The following ACER3 variants were observed in gnomAD, a reference collection of about 807,000 sequenced individuals.
The protein encoded by ACER3 is alkCDase 3.
In ACER3, 16 loss-of-function variants were observed where a neutral mutation model predicts 48.9. The ratio of observed to expected loss-of-function variants is 0.33; its 90% CI spans 0.22 to 0.50. ACER3 has a LOEUF of 0.50. Among genes scored for constraint, ACER3 ranks in the 20% least tolerant of loss-of-function variants. ACER3 has a pLI of 0.98. For missense variants in ACER3, 227 were observed against 326.0 expected (o/e 0.70, Z 2.34); for synonymous variants, 109 against 107.8 (o/e 1.01, Z -0.07).
intron 1 of ACER3, among the ~76,000 whole-genome samples, chr11:76,898,882 C>T (rs1433585794): frequency 9.4e-6 from 1 of 106,290 alleles, no homozygotes; most frequent in Non-Finnish European, 1.7e-5. Context: ...CCAGCCTGGG[C>T]GACAGAGCGA....
intron 3 of ACER3, among the ~76,000 whole-genome samples, chr11:76,967,143 A>G (rs1948160048): frequency 6.6e-6 from 1 of 152,238 alleles, no homozygotes; most frequent in African/African-American, 2.4e-5. Context: ...CCGATCCCAC[A>G]GAAATACAAA....
intron 2 of ACER3, among the ~76,000 whole-genome samples, chr11:76,928,271 G>A (rs1448594724): frequency 6.6e-6 from 1 of 152,134 alleles, no homozygotes; most frequent in African/African-American, 2.4e-5. Context: ...TTTGAGAAGT[G>A]TCTGTTCATA....
intron 1 of ACER3, among the ~76,000 whole-genome samples, chr11:76,896,451 G>A (rs1337538821): frequency 1.3e-5 from 2 of 151,822 alleles, no homozygotes; most frequent in Admixed American, 1.3e-4. Context: ...TTAAGCTTAG[G>A]AGTTCGAGAC....
At chr11:76,913,658 T>G (rs1279871213) in intron 1 of ACER3, among the ~76,000 whole-genome samples, 5 of 152,160 alleles carry the variant, frequency 3.3e-5, no homozygotes, top group Non-Finnish European at 5.9e-5. Flanking sequence ...GCCATCCGCA[T>G]CAAGCTACCA....
intron 5 of ACER3, among the ~76,000 whole-genome samples, chr11:76,985,954 A>T (rs527853667): frequency 6.6e-6 from 1 of 152,372 alleles, no homozygotes; most frequent in South Asian, 2.1e-4. Context: ...GGAAAAAGCA[A>T]AAAAGCAAAT....
At chr11:76,973,307 G>A (rs893532326) in intron 3 of ACER3, among the ~76,000 whole-genome samples, 2 of 152,170 alleles carry the variant, frequency 1.3e-5, no homozygotes, top group Non-Finnish European at 2.9e-5. Context: ...GAGACACTGA[G>A]ATACCCCCCT....
At chr11:76,864,489 A>G (rs1484365613) in intron 1 of ACER3, among the ~76,000 whole-genome samples, 1 of 152,202 alleles carries the variant, frequency 6.6e-6, no homozygotes, top group Non-Finnish European at 1.5e-5. Flanking sequence ...ACTTTAAAAC[A>G]TTAAAAACAT....
At chr11:76,986,535 A>T (rs1948687865) in intron 5 of ACER3, among the ~76,000 whole-genome samples, 1 of 152,186 alleles carries the variant, frequency 6.6e-6, no homozygotes, top group Non-Finnish European at 1.5e-5. Flanking sequence ...GAGAACTTTG[A>T]AACAACATAG....
chr11:76,868,748 T>C (rs1319494633), intron 1 of ACER3, among the ~76,000 whole-genome samples: 1 of 152,230 alleles, frequency 6.6e-6, no homozygotes, highest in Admixed American at 6.5e-5. Flanking sequence ...ATACCTTTTT[T>C]GTCCAATCAT....
At position 77,011,413 on chromosome 11, in the gene ACER3, A is replaced by G. The variant is rs932246263; in HGVS notation, c.498-3603A>G. 6.1e-6 allele frequency: 6 copies of G among 976,860 alleles called. No homozygotes were observed. The East Asian group carries it at 4.6e-4, about 74-fold the overall frequency. The allele number at this position is 976,860 out of a possible 1,614,324, so 60.5% of individuals were successfully genotyped here. ...AGAAGCAGAAAACAGATAGCACCCTACCCCCACTGATCATATTCCTGTCAT... is the reference window on the plus strand; with the variant it reads ...AGAAGCAGAAAACAGATAGCACCCTGCCCCCACTGATCATATTCCTGTCAT... On this transcript the variant is annotated intron_variant, in intron 7 of 10. Coordinates refer to ENST00000532485, the MANE Select transcript of ACER3 (RefSeq NM_018367.7).
chr11:76,881,799 C>G lies in ACER3; in HGVS notation c.103+20720C>G, dbSNP rs141020811. 1.5e-3 allele frequency among the ~76,000 whole-genome samples: 226 copies of G among 152,198 alleles called. 2 individuals carry two copies. Among genetic ancestry groups the G allele is most frequent in the African/African-American group, 5.1e-3 (213 of 41,538 alleles). ...GTTGTCTGAGGATATACATTTCCCT[C>G]TGGTATCATTTTCCTTCAGCAAGTT... On this transcript the variant is annotated intron_variant, in intron 1 of 10. Coordinates refer to ENST00000532485, the MANE Select transcript of ACER3 (RefSeq NM_018367.7).
intron 1 of ACER3, among the ~76,000 whole-genome samples, chr11:76,870,134 C>T (rs1945205725): frequency 6.8e-6 from 1 of 147,520 alleles, no homozygotes; most frequent in South Asian, 2.2e-4. Context: ...GTAGGTGGGA[C>T]CACAGATGTG....
chr11:76,906,564 A>G (rs188327027), intron 1 of ACER3, among the ~76,000 whole-genome samples: 1 of 152,178 alleles, frequency 6.6e-6, no homozygotes, highest in East Asian at 1.9e-4. Flanking sequence ...AGAGAGGCTA[A>G]TTTGAGTAAT....
intron 1 of ACER3, among the ~76,000 whole-genome samples, chr11:76,884,285 A>C (rs1945617109): frequency 6.6e-6 from 1 of 152,128 alleles, no homozygotes; most frequent in African/African-American, 2.4e-5. Context: ...CTTCCTCCAG[A>C]AAGCTGAGTT....
intron 7 of ACER3, among the ~76,000 whole-genome samples, chr11:77,001,876 A>G (rs1465496647): frequency 6.6e-6 from 1 of 152,202 alleles, no homozygotes; most frequent in Admixed American, 6.5e-5. Context: ...TGGCTTAACC[A>G]ACAAACTTAT....
chr11:76,996,607 A>T (rs1292057390), intron 6 of ACER3, among the ~76,000 whole-genome samples: 1 of 151,332 alleles, frequency 6.6e-6, no homozygotes, highest in Non-Finnish European at 1.5e-5. Flanking sequence ...TTTAGTAAAG[A>T]TGGGGTTTCA....
At chr11:76,969,254 C>G (rs1287373518) in intron 3 of ACER3, among the ~76,000 whole-genome samples, 2 of 152,210 alleles carry the variant, frequency 1.3e-5, no homozygotes, top group Non-Finnish European at 2.9e-5. Context: ...GATACCATCT[C>G]ACACCAGTTA....
chr11:76,905,152 A>G (rs142408778), intron 1 of ACER3, among the ~76,000 whole-genome samples: 2 of 152,184 alleles, frequency 1.3e-5, no homozygotes, highest in African/African-American at 2.4e-5. Context: ...ACACCTGGCC[A>G]TGTGTGTGTA....
At chr11:77,007,853 G>T (rs1047319878) in intron 7 of ACER3, among the ~76,000 whole-genome samples, 4 of 152,076 alleles carry the variant, frequency 2.6e-5, no homozygotes, top group Non-Finnish European at 4.4e-5. Flanking sequence ...AGCCTTTGTT[G>T]CATGAGTCGG....
Sources: allele counts gnomAD v4.1 joint callset (sites outside exome capture counted in the v4.1 genomes callset), GRCh38; gene constraint gnomAD v4.1.1; transcripts MANE v1.5; gene names NCBI Gene and HGNC (gene_info 2026-07-23, HGNC 2026-07-21).